Variants in CTNND2 observed in about 807,000 individuals in gnomAD.
CTNND2 encodes catenin delta 2.
A neutral mutation model predicts 144.4 loss-of-function variants in CTNND2; 22 were observed. The observed-to-expected ratio is 0.15, with a 90% CI of 0.11 to 0.22. The LOEUF is 0.22. Ranked by LOEUF, CTNND2 falls within the 10% of genes least tolerant of loss-of-function variation. CTNND2 has a pLI of 1.00. For synonymous variants in CTNND2, 751 were observed against 695.6 expected (o/e 1.08, Z -1.25); for missense variants, 1,353 against 1,618.8 (o/e 0.84, Z 2.82).
intron 2 of CTNND2, among the ~76,000 whole-genome samples, chr5:11,652,586 T>C (rs1412463820): frequency 6.6e-6 from 1 of 152,244 alleles, no homozygotes; most frequent in Non-Finnish European, 1.5e-5. Flanking sequence ...TTTCTTTATT[T>C]TCCTTTTTAA....
At chr5:11,548,012 G>A (rs965539004) in intron 3 of CTNND2, among the ~76,000 whole-genome samples, 3 of 152,072 alleles carry the variant, frequency 2.0e-5, no homozygotes, top group Non-Finnish European at 4.4e-5. Context: ...AAGTGTAAAT[G>A]CCCTGTGGCA....
At chr5:11,484,829 A>G (rs187286906) in intron 3 of CTNND2, among the ~76,000 whole-genome samples, 2 of 152,206 alleles carry the variant, frequency 1.3e-5, no homozygotes, top group African/African-American at 4.8e-5. Context: ...AAAGAGCTCA[A>G]TTGTGCTGGA....
At chr5:11,579,279 T>C (rs909521613) in intron 2 of CTNND2, among the ~76,000 whole-genome samples, 4 of 152,154 alleles carry the variant, frequency 2.6e-5, no homozygotes, top group African/African-American at 9.7e-5. Context: ...CAGTGATAAA[T>C]GTACCACCGT....
chr5:11,118,984 C>G (rs1753823258), intron 12 of CTNND2, among the ~76,000 whole-genome samples: 1 of 152,018 alleles, frequency 6.6e-6, no homozygotes, highest in African/African-American at 2.4e-5. Context: ...TCTCTTGGCT[C>G]TTTGAACCTC....
intron 14 of CTNND2, among the ~76,000 whole-genome samples, chr5:11,103,719 C>T (rs1029313902): frequency 1.5e-5 from 2 of 131,978 alleles, no homozygotes; most frequent in African/African-American, 5.9e-5. Context: ...TGTCAACATA[C>T]TATATTAAAA....
At chr5:11,374,341 G>A (rs1227970744) in intron 7 of CTNND2, among the ~76,000 whole-genome samples, 2 of 152,164 alleles carry the variant, frequency 1.3e-5, no homozygotes, top group Non-Finnish European at 2.9e-5. Flanking sequence ...ACATGAGCAT[G>A]TAAAGAAATT....
At chr5:11,586,584 T>C (rs1322086872) in intron 2 of CTNND2, among the ~76,000 whole-genome samples, 7 of 152,220 alleles carry the variant, frequency 4.6e-5, no homozygotes, top group African/African-American at 1.7e-4. Flanking sequence ...ACTTATTAGA[T>C]AGGATTTTCC....
chr5:11,135,716 G>A (rs1210030971), intron 12 of CTNND2, among the ~76,000 whole-genome samples: 2 of 152,150 alleles, frequency 1.3e-5, no homozygotes, highest in Non-Finnish European at 2.9e-5. Context: ...CTGAGTAGTG[G>A]TTTCCCATCT....
At chr5:11,557,885 C>T (rs1254136230) in intron 3 of CTNND2, among the ~76,000 whole-genome samples, 2 of 152,170 alleles carry the variant, frequency 1.3e-5, no homozygotes, top group African/African-American at 2.4e-5. Context: ...GAGACATACA[C>T]ATTTGGAATC....
At chr5:11,163,757 A>C (rs1166268171) in intron 11 of CTNND2, among the ~76,000 whole-genome samples, 1 of 152,218 alleles carries the variant, frequency 6.6e-6, no homozygotes, top group Non-Finnish European at 1.5e-5. Context: ...AGGATGATCC[A>C]GCTACACTTT....
At chr5:11,210,640 A>G (rs1738531775) in intron 10 of CTNND2, among the ~76,000 whole-genome samples, 1 of 152,232 alleles carries the variant, frequency 6.6e-6, no homozygotes. Flanking sequence ...CATCTCAAAG[A>G]GAATTTTGGA....
At chr5:11,554,718 G>GA (rs1776063373) in intron 3 of CTNND2, among the ~76,000 whole-genome samples, 2 of 151,994 alleles carry the variant, frequency 1.3e-5, no homozygotes, top group Admixed American at 6.6e-5. Flanking sequence ...AGATCAGAGT[G>GA]AAAGTATGAG....
At chr5:11,874,624 G>C (rs1464324344) in intron 1 of CTNND2, among the ~76,000 whole-genome samples, 2 of 152,128 alleles carry the variant, frequency 1.3e-5, no homozygotes, top group Non-Finnish European at 2.9e-5. Context: ...CTGGAGAAAG[G>C]GGTAATTTAC....
At chr5:11,180,968 C>A (rs959944186) in intron 11 of CTNND2, among the ~76,000 whole-genome samples, 1 of 152,096 alleles carries the variant, frequency 6.6e-6, no homozygotes, top group East Asian at 1.9e-4. Context: ...TATGTGGGCC[C>A]GGAGGTTCTG....
At chr5:11,854,973 TGTCA>T (rs1290818840) in intron 1 of CTNND2, among the ~76,000 whole-genome samples, 1 of 152,228 alleles carries the variant, frequency 6.6e-6, no homozygotes, top group African/African-American at 2.4e-5. Context: ...TGTGGTGCGC[TGTCA>T]TTTTTCATAA....
chr5:11,495,760 A>C (rs969991034), intron 3 of CTNND2, among the ~76,000 whole-genome samples: 20 of 152,168 alleles, frequency 1.3e-4, no homozygotes, highest in Non-Finnish European at 4.4e-5. Context: ...TTCAGCTCTT[A>C]AGTGACTTTT....
rs555516141 is a variant in CTNND2 at position 11,099,472 on chromosome 5, T to C, written c.2464-724A>G. On this transcript the variant is annotated intron_variant, in intron 14 of 21. Transcript: ENST00000304623. ...GCACAAAGGAATACCAGTCAACCAT[T>C]AGGAATGATACTTATGAAGACTATG... Among the ~76,000 whole-genome samples, 22 of 152,286 alleles carry C rather than the reference T, an allele frequency of 1.4e-4. No individual in the cohort carries two copies. The South Asian group carries it at 2.1e-3, about 14-fold the overall frequency.
chr5:11,072,497 C>G (rs1294637320), intron 16 of CTNND2, among the ~76,000 whole-genome samples: 1 of 152,160 alleles, frequency 6.6e-6, no homozygotes, highest in East Asian at 1.9e-4. Context: ...TTTAAAAAAC[C>G]AAGTTTCCCA....
intron 1 of CTNND2, among the ~76,000 whole-genome samples, chr5:11,781,590 G>A (rs990479807): frequency 2.0e-4 from 31 of 152,154 alleles, no homozygotes; most frequent in Non-Finnish European, 1.5e-5. Flanking sequence ...GTTAAGACAG[G>A]TTTTGAAATG....
Sources: allele counts gnomAD v4.1 joint callset (sites outside exome capture counted in the v4.1 genomes callset), GRCh38; gene constraint gnomAD v4.1.1; transcripts MANE v1.5; gene names NCBI Gene and HGNC (gene_info 2026-07-23, HGNC 2026-07-21).